ZC3H4: variants seen among roughly 807,000 people sequenced by gnomAD.
The protein encoded by ZC3H4 is zinc finger CCCH domain-containing protein 4.
In ZC3H4, 13 loss-of-function variants were observed where a neutral mutation model predicts 108.3. The ratio of observed to expected loss-of-function variants is 0.12; its 90% CI spans 0.08 to 0.19. The LOEUF is 0.19. Among genes scored for constraint, ZC3H4 ranks in the 10% least tolerant of loss-of-function variants. ZC3H4 has a pLI of 1.00. For synonymous variants in ZC3H4, 917 were observed against 749.6 expected (o/e 1.22, Z -3.65); for missense variants, 1,734 against 1,838.8 (o/e 0.94, Z 1.04).
chr19:47,087,297 CAAA>C (rs113461090), intron 5 of ZC3H4, among the ~76,000 whole-genome samples: 71 of 146,598 alleles, frequency 4.8e-4, no homozygotes, highest in African/African-American at 1.7e-3. Flanking sequence ...CACACACACA[CAAA>C]AAAAAACCCA....
In ZC3H4 at chr19:47,066,238, AAG is replaced by A. The variant is rs2057191611; in HGVS notation, c.*116_*117del. 3 of 747,008 alleles carry A rather than the reference AAG, an allele frequency of 4.0e-6. No individual in the cohort carries two copies. Among genetic ancestry groups the A allele is most frequent in the Non-Finnish European group, 6.0e-6 (3 of 504,158 alleles). 46.3% of individuals were successfully genotyped at this position (747,008 alleles called of 1,614,324 possible). On this transcript the variant is annotated 3_prime_UTR_variant, in exon 15 of 15. Transcript: ENST00000253048. ...TAAAAGAGACGGAAAGCAAAAGAAAAAGAAAAGAAAAAAGGAACACCCAGCCT... is the reference window on the plus strand; with the variant it reads ...TAAAAGAGACGGAAAGCAAAAGAAAAAAAAGAAAAAAGGAACACCCAGCCT...
chr19:47,113,121 G>A (rs531241119), intron 1 of ZC3H4, among the ~76,000 whole-genome samples: 2 of 152,268 alleles, frequency 1.3e-5, no homozygotes, highest in African/African-American at 2.4e-5. Context: ...CAAAATGGCG[G>A]CTCGGCCCGA....
At chr19:47,082,777 C>T (rs568917608) in intron 9 of ZC3H4, among the ~76,000 whole-genome samples, 1 of 152,220 alleles carries the variant, frequency 6.6e-6, no homozygotes, top group African/African-American at 2.4e-5. Context: ...CCCCAGGGTA[C>T]CCCTGACCAC....
At chr19:47,110,972 G>A (rs1363996031) in intron 2 of ZC3H4, 1 of 975,692 alleles carries the variant, frequency 1.0e-6, no homozygotes, top group Non-Finnish European at 1.2e-6. Flanking sequence ...AAGGAGAAAG[G>A]GGAAAGGGGA....
In ZC3H4 at chr19:47,112,496, G is replaced by T; in HGVS notation, c.89C>A (p.Pro30His). ...CGGGCGGGCGTCGGGGGAACACGGA[G>T]GAGGCGAAGGCGTTGATGGCGGCGG... ...SPPPPSTPSP[P>H]PCSPDARPAT... is the part of the protein sequence containing the mutation. The change falls in exon 2 of 15, where the codon CCT becomes CAT. Residue 30 changes from proline (P) to histidine (H), a missense_variant. Physicochemically the swap from Pro to His is moderately conservative, Grantham distance 77 (BLOSUM62 -2). This residue lies in a region of ZC3H4 where 112 missense variants were observed against 73.3 expected (regional missense o/e 1.53). Coordinates refer to ENST00000253048, the MANE Select transcript of ZC3H4 (RefSeq NM_015168.2). 1 of 1,137,816 alleles carries T rather than the reference G, an allele frequency of 8.8e-7. No homozygotes were observed. The highest frequency in any genetic ancestry group is 1.1e-6 in the Non-Finnish European group (1 of 893,390). The allele number at this position is 1,137,816 out of a possible 1,614,324, so 70.5% of individuals were successfully genotyped here. A position where few individuals can be genotyped will look rare whatever the true frequency, so the allele number is the denominator to read the frequency against.
chr19:47,078,926 C>T (rs1372623176), intron 11 of ZC3H4, among the ~76,000 whole-genome samples: 2 of 150,624 alleles, frequency 1.3e-5, no homozygotes, highest in African/African-American at 4.9e-5. Flanking sequence ...ACTGTGGAGG[C>T]TGAGGCAGGA....
chr19:47,091,456 C>T (rs987995401), intron 4 of ZC3H4, among the ~76,000 whole-genome samples: 1 of 151,616 alleles, frequency 6.6e-6, no homozygotes, highest in Non-Finnish European at 1.5e-5. Flanking sequence ...CGCCTCTAAT[C>T]CCAGCTACTC....
intron 11 of ZC3H4, among the ~76,000 whole-genome samples, chr19:47,079,022 A>G (rs1024614061): frequency 1.9e-4 from 28 of 145,294 alleles, no homozygotes; most frequent in African/African-American, 6.0e-4. Context: ...GCAAGACTCC[A>G]TTTCATTTCC....
At position 47,067,537 on chromosome 19, in the gene ZC3H4, C is replaced by A. The variant is rs533686900; in HGVS notation, c.2731G>T (p.Gly911Cys). 118 of 1,598,326 alleles carry A rather than the reference C, an allele frequency of 7.4e-5. No homozygotes were observed. The South Asian group carries it at 9.4e-4, about 13-fold the overall frequency. Residue 911 changes from glycine to cysteine, a missense_variant, in exon 15 of 15, where the codon GGC becomes TGC. This residue lies in a region of ZC3H4 where 540 missense variants were observed against 484.1 expected (regional missense o/e 1.12). Coordinates refer to ENST00000253048, the MANE Select transcript of ZC3H4 (RefSeq NM_015168.2). The surrounding 1 kb of genome is among the most constrained non-coding windows in gnomAD (Gnocchi z 6.4). Reference protein sequence around the residue: ...PEGSLHSSPVGPSSSKGSGPP... With the variant: ...PEGSLHSSPVCPSSSKGSGPP... ...CCAGACCCCTTGGAACTGCTGGGGC[C>A]CACAGGGCTGGAATGAAGGCTGCCT...
rs2058043028 is a variant in ZC3H4 at position 47,111,812 on chromosome 19, T to C, written c.161+612A>G. Among the ~76,000 whole-genome samples, 5 of 151,534 alleles carry C rather than the reference T, an allele frequency of 3.3e-5. No individual in the cohort carries two copies. The South Asian group carries it at 1.0e-3, about 32-fold the overall frequency. Reference sequence around the variant, plus strand: ...TACAAGGATGGAGAAGGGACCTGAATGAACCCCCACCTTCTGCCTCCTAAG... The same window carrying C: ...TACAAGGATGGAGAAGGGACCTGAACGAACCCCCACCTTCTGCCTCCTAAG... On this transcript the variant is annotated intron_variant, in intron 2 of 14. Transcript: ENST00000253048.
intron 11 of ZC3H4, among the ~76,000 whole-genome samples, chr19:47,077,811 C>T (rs954166708): frequency 3.3e-5 from 5 of 150,110 alleles, no homozygotes; most frequent in African/African-American, 7.4e-5. Context: ...GAGCCAAGAT[C>T]GCGCCACTGT....
chr19:47,112,278 G>T (rs546037851), intron 2 of ZC3H4, 146 bp downstream of exon 2: 4 of 1,123,220 alleles, frequency 3.6e-6, no homozygotes, highest in Non-Finnish European at 2.2e-6. Context: ...GCAAGCGATC[G>T]AGAGACACCC....
chr19:47,083,665 C>T (rs375056936), intron 9 of ZC3H4, among the ~76,000 whole-genome samples: 1 of 152,140 alleles, frequency 6.6e-6, no homozygotes, highest in African/African-American at 2.4e-5. Context: ...GCCGAGATCA[C>T]GCCACTGCAC....
chr19:47,096,744 G>A (rs1285736589), intron 2 of ZC3H4: 1 of 940,862 alleles, frequency 1.1e-6, no homozygotes, highest in Non-Finnish European at 1.3e-6. Flanking sequence ...AGAGGGACAT[G>A]ATCACCACCC....
intron 11 of ZC3H4, among the ~76,000 whole-genome samples, chr19:47,079,017 ACT>A (rs1342702355): frequency 3.4e-5 from 5 of 147,390 alleles, no homozygotes; most frequent in Non-Finnish European, 6.0e-5. Flanking sequence ...ACAAAGCAAG[ACT>A]CCATTTCATT....
intron 11 of ZC3H4, among the ~76,000 whole-genome samples, chr19:47,080,999 C>G (rs1324350637): frequency 1.3e-5 from 2 of 152,096 alleles, no homozygotes; most frequent in Non-Finnish European, 2.9e-5. Context: ...AACTGATCTG[C>G]CTGCCTTGGC....
At chr19:47,093,495 T>A (rs1409297673) in intron 4 of ZC3H4, among the ~76,000 whole-genome samples, 1 of 152,194 alleles carries the variant, frequency 6.6e-6, no homozygotes, top group Non-Finnish European at 1.5e-5. Flanking sequence ...TAAGGCCGCA[T>A]GGAGGAGGCT....
intron 4 of ZC3H4, among the ~76,000 whole-genome samples, chr19:47,091,344 G>A (rs1455151157): frequency 6.6e-6 from 1 of 152,136 alleles, no homozygotes; most frequent in African/African-American, 2.4e-5. Flanking sequence ...GCCCAGGCAG[G>A]CAGATCTCTT....
At chr19:47,103,101 C>T (rs2057924282) in intron 2 of ZC3H4, among the ~76,000 whole-genome samples, 1 of 152,140 alleles carries the variant, frequency 6.6e-6, no homozygotes, top group South Asian at 2.1e-4. Context: ...CCCTCAGATC[C>T]AAGTTACTCC....
Sources: allele counts gnomAD v4.1 joint callset (sites outside exome capture counted in the v4.1 genomes callset), GRCh38; gene constraint gnomAD v4.1.1; regional missense constraint gnomAD v4.1.1; non-coding constraint Gnocchi (gnomAD v3.1); transcripts MANE v1.5; gene names NCBI Gene and HGNC (gene_info 2026-07-23, HGNC 2026-07-21).